Variants in UACA observed in about 807,000 individuals in gnomAD.
The protein encoded by UACA is uveal autoantigen with coiled-coil domains and ankyrin repeats, also known as nuclear membrane binding protein.
A neutral mutation model predicts 160.5 loss-of-function variants in UACA; 112 were observed. The observed-to-expected ratio is 0.70, with a 90% CI of 0.60 to 0.82. UACA has a LOEUF of 0.82. Ranked by LOEUF, UACA falls within the 40% of genes least tolerant of loss-of-function variation. UACA has a pLI of 0.00. For missense variants in UACA, 1,574 were observed against 1,614.6 expected (o/e 0.97, Z 0.43); for synonymous variants, 557 against 568.4 (o/e 0.98, Z 0.29).
Position 70,676,494 on chromosome 15 carries a change from T to C in UACA, c.1130A>G (p.Glu377Gly). Residue 377 changes from glutamate (E) to glycine (G), a missense_variant and splice_region_variant, in exon 13 of 19, where the codon GAG (glutamate) becomes GGG (glycine). Glu to Gly is a moderately conservative substitution (Grantham distance 98). Coordinates refer to ENST00000322954, the MANE Select transcript of UACA (RefSeq NM_018003.4). ...GGAAATAATTTATCCTTTCTATACCTCAAAATATTTAAATCTATTTTTCAG... is the reference window on the plus strand; with the variant it reads ...GGAAATAATTTATCCTTTCTATACCCCAAAATATTTAAATCTATTTTTCAG... ...EALKNRFKYF[E>G]SDHLGSGSHF... 6.3e-7 allele frequency: 1 copy of C among 1,597,230 alleles called. No homozygotes were observed. The highest frequency in any genetic ancestry group is 1.1e-5 in the South Asian group (1 of 90,584).
In UACA at chr15:70,699,624, T is replaced by C; in HGVS notation, c.115A>G (p.Met39Val). Residue 39 changes from methionine to valine, a missense_variant, in exon 2 of 19, where the codon ATG (methionine) becomes GTG (valine). Transcript: ENST00000322954. ...ADWNKYDDRL[M>V]KAAERGDVEK... Reference sequence around the variant, plus strand: ...ACATCCCCCCTTTCTGCTGCTTTCATCAATCGGTCATCATATTTATTCCAA... The same window carrying C: ...ACATCCCCCCTTTCTGCTGCTTTCACCAATCGGTCATCATATTTATTCCAA... 6.2e-7 allele frequency: 1 copy of C among 1,610,794 alleles called. No individual in the cohort carries two copies. Among genetic ancestry groups the C allele is most frequent in the Non-Finnish European group, 8.5e-7 (1 of 1,179,288 alleles).
Position 70,664,818 on chromosome 15 carries a change from T to TA in UACA, c.3961-5dup, listed in dbSNP as rs778704716. The TA allele has an allele frequency of 1.9e-6, 3 of 1,606,036 alleles. No homozygotes were observed. Among genetic ancestry groups the TA allele is most frequent in the Non-Finnish European group, 2.5e-6 (3 of 1,177,086 alleles). On this transcript the variant is annotated splice_region_variant and splice_polypyrimidine_tract_variant and intron_variant, in intron 16 of 18. Transcript: ENST00000322954. Reference sequence around the variant, plus strand: ...CATCATTAAGCAGTTCAGTTATCTTTAAAAAAATGTTGTAGGAGAAATATA... The same window carrying TA: ...CATCATTAAGCAGTTCAGTTATCTTTAAAAAAAATGTTGTAGGAGAAATATA...
At chr15:70,758,453 A>G (rs912739806) in intron 1 of UACA, 2 of 152,034 alleles carry the variant, frequency 1.3e-5, no homozygotes, top group Admixed American at 1.3e-4. Context: ...AACTAAACAT[A>G]ACAATTTGTT....
chr15:70,719,250 C>T (rs1455581678), intron 1 of UACA, among the ~76,000 whole-genome samples: 1 of 152,164 alleles, frequency 6.6e-6, no homozygotes, highest in African/African-American at 2.4e-5. Flanking sequence ...CAACTATTTC[C>T]CATTTCCAAC....
At chr15:70,718,054 CACACATAT>C (rs1228515526) in intron 1 of UACA, among the ~76,000 whole-genome samples, 5 of 151,554 alleles carry the variant, frequency 3.3e-5, no homozygotes, top group Admixed American at 1.3e-4. Flanking sequence ...CACACACACA[CACACATAT>C]ATATCCTATT....
chr15:70,761,318 T>C (rs2030739734), intron 1 of UACA, among the ~76,000 whole-genome samples: 1 of 152,190 alleles, frequency 6.6e-6, no homozygotes, highest in Non-Finnish European at 1.5e-5. Flanking sequence ...GTCGATATTT[T>C]GTTGTAAATA....
chr15:70,755,648 C>G (rs1302455871), intron 1 of UACA, among the ~76,000 whole-genome samples: 1 of 149,568 alleles, frequency 6.7e-6, no homozygotes, highest in Non-Finnish European at 1.5e-5. Flanking sequence ...CCAGCCTGAG[C>G]GACAAGAGGG....
chr15:70,666,701 C>T lies in UACA; in HGVS notation c.3960+23G>A, dbSNP rs746598284. 9 of 1,547,346 alleles carry T rather than the reference C, an allele frequency of 5.8e-6. No individual in the cohort carries two copies. In the Middle Eastern group the frequency reaches 5.2e-4, roughly 89 times the overall value. ...TGCTCTGGGGTTTCCAACACATAGC[C>T]GTGCAGACTACTTTGTACCTACCTT... On this transcript the variant is annotated intron_variant, in intron 16 of 18. Coordinates refer to ENST00000322954, the MANE Select transcript of UACA (RefSeq NM_018003.4).
At chr15:70,670,060 A>G (rs2140908274) in intron 15 of UACA, among the ~76,000 whole-genome samples, 1 of 152,328 alleles carries the variant, frequency 6.6e-6, no homozygotes, top group Admixed American at 6.5e-5. Flanking sequence ...CAAGAGAATG[A>G]TTGGTCACAG....
At chr15:70,674,604 T>C (rs1897249807) in intron 13 of UACA, among the ~76,000 whole-genome samples, 1 of 152,214 alleles carries the variant, frequency 6.6e-6, no homozygotes, top group African/African-American at 2.4e-5. Flanking sequence ...AAACATCTTT[T>C]TTTTTCTTCC....
intron 4 of UACA, among the ~76,000 whole-genome samples, chr15:70,690,806 G>A (rs925386774): frequency 1.3e-5 from 2 of 151,850 alleles, no homozygotes; most frequent in Non-Finnish European, 2.9e-5. Flanking sequence ...ATTAAAACTT[G>A]AGATACTGAA....
At chr15:70,695,459 AT>A (rs1595894476) in intron 2 of UACA, among the ~76,000 whole-genome samples, 1 of 152,212 alleles carries the variant, frequency 6.6e-6, no homozygotes, top group East Asian at 1.9e-4. Context: ...CTATCAGATT[AT>A]TTTATTTAGT....
rs1053547174 is a variant in UACA, at chr15:70,679,534, C to T, written c.891+74G>A. 5 of 977,236 alleles carry T rather than the reference C, an allele frequency of 5.1e-6. No homozygotes were observed. The African/African-American group carries it at 6.7e-5, about 13-fold the overall frequency. 60.5% of individuals were successfully genotyped at this position (977,236 alleles called of 1,614,324 possible). A position where few individuals can be genotyped will look rare whatever the true frequency, so the allele number is the denominator to read the frequency against. ...CATTTCACCCATTCTCTTGCTTCCT[C>T]TCTTCTCTCTCAATCCCACTACAAA... On this transcript the variant is annotated intron_variant, in intron 10 of 18. Transcript: ENST00000322954.
At chr15:70,729,077 T>C (rs1899236280) in intron 1 of UACA, among the ~76,000 whole-genome samples, 1 of 152,230 alleles carries the variant, frequency 6.6e-6, no homozygotes, top group East Asian at 1.9e-4. Flanking sequence ...AATTCATATA[T>C]ACTGCTGGTG....
At chr15:70,705,798 A>G (rs1228854898) in intron 1 of UACA, among the ~76,000 whole-genome samples, 2 of 152,134 alleles carry the variant, frequency 1.3e-5, no homozygotes, top group East Asian at 3.9e-4. Context: ...GAACTTAAGT[A>G]CCCTGATTAA....
intron 1 of UACA, among the ~76,000 whole-genome samples, chr15:70,726,055 T>C (rs748697006): frequency 8.5e-5 from 13 of 152,136 alleles, no homozygotes; most frequent in South Asian, 2.1e-4. Context: ...ATCTTATTCA[T>C]TCCCACTGTT....
chr15:70,701,762 A>G lies in UACA; in HGVS notation c.79-2102T>C, dbSNP rs1595899069. 2.3e-5 allele frequency: 23 copies of G among 992,986 alleles called. No homozygotes were observed. The East Asian group carries it at 5.7e-4, about 25-fold the overall frequency. The allele number at this position is 992,986 out of a possible 1,614,324, so 61.5% of individuals were successfully genotyped here. ...CCCAATCTGCTAATCAACTTAATCAAGAAGAAAACAATAAAGCAAACCAAA... is the reference window on the plus strand; with the variant it reads ...CCCAATCTGCTAATCAACTTAATCAGGAAGAAAACAATAAAGCAAACCAAA... On this transcript the variant is annotated intron_variant, in intron 1 of 18. Coordinates refer to ENST00000322954, the MANE Select transcript of UACA (RefSeq NM_018003.4).
intron 1 of UACA, among the ~76,000 whole-genome samples, chr15:70,744,013 G>A (rs1390685991): frequency 4.6e-5 from 7 of 152,100 alleles, no homozygotes; most frequent in Admixed American, 4.6e-4. Flanking sequence ...GGGAGGCCGA[G>A]ACGGGCGGAT....
intron 1 of UACA, among the ~76,000 whole-genome samples, chr15:70,753,618 T>C (rs2030225700): frequency 1.3e-5 from 2 of 152,190 alleles, no homozygotes; most frequent in African/African-American, 4.8e-5. Flanking sequence ...ACCTACTTCT[T>C]AGGGTTGCGG....
Sources: allele counts gnomAD v4.1 joint callset (sites outside exome capture counted in the v4.1 genomes callset), GRCh38; gene constraint gnomAD v4.1.1; transcripts MANE v1.5; gene names NCBI Gene and HGNC (gene_info 2026-07-23, HGNC 2026-07-21).